The following RAP1GDS1 variants were observed in gnomAD, a reference collection of about 807,000 sequenced individuals.
RAP1GDS1 encodes Rap1 GTPase-GDP dissociation stimulator 1, also known as RAP1, GTP-GDP dissociation stimulator 1.
A neutral mutation model predicts 71.1 loss-of-function variants in RAP1GDS1; 35 were observed. That is an observed-to-expected ratio of 0.49 (90% confidence interval 0.38 to 0.65). The LOEUF is 0.65. RAP1GDS1 is among the 30% of genes least tolerant of loss of function. The pLI, the probability that RAP1GDS1 is intolerant of heterozygous loss-of-function variation, is 0.00. For missense variants in RAP1GDS1, 663 were observed against 706.1 expected, an observed-to-expected ratio of 0.94 and a Z score of 0.69; for synonymous variants, 229 against 243.1, an observed-to-expected ratio of 0.94 and a Z score of 0.54.
At chr4:98,341,031 T>A (rs1256760292) in intron 2 of RAP1GDS1, among the ~76,000 whole-genome samples, 1 of 152,062 alleles carries the variant, frequency 6.6e-6, no homozygotes, top group Non-Finnish European at 1.5e-5. Flanking sequence ...AATAAAAGTT[T>A]AAAAAATAAA....
At chr4:98,423,865 A>G (rs1191673189) in intron 12 of RAP1GDS1, among the ~76,000 whole-genome samples, 1 of 152,102 alleles carries the variant, frequency 6.6e-6, no homozygotes, top group Non-Finnish European at 1.5e-5. Context: ...ATTTAGAAAG[A>G]TGTCTCTAGG....
intron 1 of RAP1GDS1, among the ~76,000 whole-genome samples, chr4:98,281,558 G>A (rs1025384641): frequency 6.6e-6 from 1 of 151,996 alleles, no homozygotes; most frequent in African/African-American, 2.4e-5. Context: ...CTGCAAACAG[G>A]GACAATTTGA....
chr4:98,301,135 A>G (rs1321982257), intron 2 of RAP1GDS1, among the ~76,000 whole-genome samples: 1 of 152,084 alleles, frequency 6.6e-6, no homozygotes, highest in Admixed American at 6.6e-5. Context: ...GTGTTATCAA[A>G]TGTTCCACAG....
At chr4:98,311,979 G>T (rs1730299785) in intron 2 of RAP1GDS1, among the ~76,000 whole-genome samples, 1 of 152,120 alleles carries the variant, frequency 6.6e-6, no homozygotes, top group Non-Finnish European at 1.5e-5. Flanking sequence ...AGGGGACAAT[G>T]AAATTGGAAT....
chr4:98,441,887 G>GT, intron 14 of RAP1GDS1, 103 bp from the exon 15 acceptor site: 1 of 1,270,804 alleles, frequency 7.9e-7, no homozygotes, highest in South Asian at 1.9e-5. Flanking sequence ...ATTGTTTCTA[G>GT]TTTTATAAGC....
At chr4:98,423,450 T>G (rs1749161676) in intron 12 of RAP1GDS1, among the ~76,000 whole-genome samples, 1 of 152,238 alleles carries the variant, frequency 6.6e-6, no homozygotes, top group South Asian at 2.1e-4. Flanking sequence ...ATGGACTTGA[T>G]TCTGTAGAGA....
At chr4:98,323,249 A>G (rs1409938883) in intron 2 of RAP1GDS1, among the ~76,000 whole-genome samples, 2 of 147,752 alleles carry the variant, frequency 1.4e-5, no homozygotes, top group Non-Finnish European at 1.5e-5. Flanking sequence ...GAATAGACCA[A>G]TAACAGGAGC....
intron 2 of RAP1GDS1, among the ~76,000 whole-genome samples, chr4:98,335,423 A>C (rs1734577634): frequency 6.6e-6 from 1 of 152,088 alleles, no homozygotes; most frequent in African/African-American, 2.4e-5. Flanking sequence ...TTTATGCATG[A>C]GAACACTCTC....
intron 2 of RAP1GDS1, among the ~76,000 whole-genome samples, chr4:98,316,688 C>T (rs1730991032): frequency 6.6e-6 from 1 of 152,096 alleles, no homozygotes; most frequent in African/African-American, 2.4e-5. Flanking sequence ...CAAAATGTCT[C>T]AGATATTTTT....
chr4:98,378,219 T>C (rs926342864), intron 4 of RAP1GDS1, among the ~76,000 whole-genome samples: 2 of 152,006 alleles, frequency 1.3e-5, no homozygotes, highest in South Asian at 2.1e-4. Flanking sequence ...TTTTCATTCT[T>C]ATGTTCAAAA....
At chr4:98,424,926 A>G (rs148254499) in intron 12 of RAP1GDS1, among the ~76,000 whole-genome samples, 3,409 of 152,342 alleles carry the variant, frequency 0.022, 72 homozygotes, top group South Asian at 0.036. Context: ...TTGCCTAGGC[A>G]TATTGTCATC....
At chr4:98,308,238 A>G (rs1356432746) in intron 2 of RAP1GDS1, among the ~76,000 whole-genome samples, 3 of 147,090 alleles carry the variant, frequency 2.0e-5, no homozygotes, top group Non-Finnish European at 4.5e-5. Flanking sequence ...ATGTGCATAT[A>G]TGTGTATATA....
chr4:98,325,849 C>G (rs1441256208), intron 2 of RAP1GDS1, among the ~76,000 whole-genome samples: 11 of 150,204 alleles, frequency 7.3e-5, no homozygotes, highest in Admixed American at 6.6e-4. Context: ...GTGCAGCGCA[C>G]CAGCATGGCA....
chr4:98,342,456 C>T (rs1051028838), intron 2 of RAP1GDS1, among the ~76,000 whole-genome samples: 2 of 151,842 alleles, frequency 1.3e-5, no homozygotes, highest in Non-Finnish European at 2.9e-5. Context: ...CTTTCAGTAA[C>T]ATACATGAAG....
chr4:98,383,853 G>A (rs1246681186), intron 5 of RAP1GDS1, among the ~76,000 whole-genome samples: 2 of 151,500 alleles, frequency 1.3e-5, no homozygotes, highest in African/African-American at 2.4e-5. Context: ...TTATGTTTCA[G>A]TATTACAATA....
At chr4:98,263,905 A>G (rs1722369135) in intron 1 of RAP1GDS1, among the ~76,000 whole-genome samples, 1 of 152,132 alleles carries the variant, frequency 6.6e-6, no homozygotes, top group Non-Finnish European at 1.5e-5. Context: ...TTTCCTTCTA[A>G]ACTCTCTTCA....
intron 4 of RAP1GDS1, among the ~76,000 whole-genome samples, chr4:98,363,522 G>T (rs1022100988): frequency 3.0e-5 from 4 of 135,052 alleles, no homozygotes; most frequent in East Asian, 4.2e-4. Context: ...TAATTGTAAA[G>T]CCCTGAGAGG....
intron 1 of RAP1GDS1, among the ~76,000 whole-genome samples, chr4:98,271,293 A>C (rs1723422138): frequency 6.6e-6 from 1 of 152,210 alleles, no homozygotes; most frequent in Non-Finnish European, 1.5e-5. Flanking sequence ...AATTAAACTC[A>C]TTGAGTTCAA....
At chr4:98,365,418 C>T (rs1224452381) in intron 4 of RAP1GDS1, among the ~76,000 whole-genome samples, 2 of 151,764 alleles carry the variant, frequency 1.3e-5, no homozygotes, top group African/African-American at 4.8e-5. Context: ...AGTTTGAAAC[C>T]AGCCTGGGCA....
Sources: gnomAD v4.1 joint callset for allele counts (sites outside exome capture counted in the v4.1 genomes callset) on GRCh38, gnomAD v4.1.1 for gene constraint, MANE v1.5 for transcripts, NCBI Gene and HGNC (gene_info 2026-07-23, HGNC 2026-07-21) for gene names.